PLD5: variants seen among roughly 807,000 people sequenced by gnomAD.
PLD5 encodes phospholipase D family member 5.
In PLD5, 36 loss-of-function variants were observed where a neutral mutation model predicts 61.1. That is an observed-to-expected ratio of 0.59 (90% CI 0.45 to 0.78). The LOEUF (loss-of-function observed/expected upper bound fraction) is 0.78, where lower values mean the gene tolerates loss of function less well. Among genes scored for constraint, PLD5 ranks in the 30% least tolerant of loss-of-function variants. The pLI, the probability that PLD5 is intolerant of heterozygous loss-of-function variation, is 0.00. For synonymous variants in PLD5, 243 were observed against 242.8 expected (o/e 1.00, Z -0.01); for missense variants, 515 against 644.4 (o/e 0.80, Z 2.17).
chr1:242,348,991 T>C (rs1660315402), intron 1 of PLD5, among the ~76,000 whole-genome samples: 1 of 152,152 alleles, frequency 6.6e-6, no homozygotes, highest in Non-Finnish European at 1.5e-5. Flanking sequence ...GAGGCGGAGC[T>C]TGCAGTGAGC....
At chr1:242,456,431 C>T (rs1224803504) in intron 1 of PLD5, among the ~76,000 whole-genome samples, 1 of 152,096 alleles carries the variant, frequency 6.6e-6, no homozygotes, top group Non-Finnish European at 1.5e-5. Context: ...TTAGAACATG[C>T]CCATCATTGC....
rs35097685 is a variant in PLD5 at position 242,253,115 on chromosome 1, C to CTTT, written c.607+12219_607+12221dup. Among the ~76,000 whole-genome samples, 7 of 73,198 alleles carry CTTT rather than the reference C, an allele frequency of 9.6e-5. 1 individual carries two copies. The highest frequency in any genetic ancestry group is 2.4e-4 in the African/African-American group (5 of 20,932). 48.0% of individuals were successfully genotyped at this position (73,198 alleles called of 152,430 possible). A position where few individuals can be genotyped will look rare whatever the true frequency, so the allele number is the denominator to read the frequency against. On this transcript the variant is annotated intron_variant, in intron 4 of 9. Transcript: ENST00000536534. ...CAGGCGTGAGCCACCGTGTATGGCC[C>CTTT]TTTTTTTTTTTTTTTTTTTTTTGAG...
chr1:242,278,365 C>CAA (rs1674530123), intron 3 of PLD5, among the ~76,000 whole-genome samples: 1 of 152,066 alleles, frequency 6.6e-6, no homozygotes, highest in Non-Finnish European at 1.5e-5. Flanking sequence ...TATTCATGGC[C>CAA]ATATGATTGG....
intron 9 of PLD5, among the ~76,000 whole-genome samples, chr1:242,099,664 A>T (rs1380255840): frequency 1.3e-5 from 2 of 152,154 alleles, no homozygotes; most frequent in African/African-American, 2.4e-5. Context: ...TCATTTCTAA[A>T]CTGCAGATGA....
At chr1:242,424,618 A>G (rs1428854836) in intron 1 of PLD5, among the ~76,000 whole-genome samples, 1 of 151,832 alleles carries the variant, frequency 6.6e-6, no homozygotes, top group Admixed American at 6.6e-5. Flanking sequence ...TTTTATCCAT[A>G]TCACCTGAGA....
chr1:242,183,819 C>T (rs1262043347), intron 5 of PLD5, among the ~76,000 whole-genome samples: 5 of 152,106 alleles, frequency 3.3e-5, no homozygotes, highest in Non-Finnish European at 7.4e-5. Flanking sequence ...GGCGTGAACC[C>T]GGGAGGCGGA....
At chr1:242,287,800 T>G (rs1319127442) in intron 3 of PLD5, among the ~76,000 whole-genome samples, 2 of 152,216 alleles carry the variant, frequency 1.3e-5, no homozygotes, top group African/African-American at 4.8e-5. Context: ...AAGTCAGTTT[T>G]CTAAAGGTAG....
chr1:242,425,237 C>T (rs751097501), intron 1 of PLD5, among the ~76,000 whole-genome samples: 6 of 152,122 alleles, frequency 3.9e-5, no homozygotes, highest in Non-Finnish European at 7.3e-5. Flanking sequence ...AGTGCACTTG[C>T]GCAAACCTAG....
At chr1:242,116,150 A>G (rs1297933348) in intron 6 of PLD5, among the ~76,000 whole-genome samples, 1 of 152,212 alleles carries the variant, frequency 6.6e-6, no homozygotes, top group African/African-American at 2.4e-5. Context: ...ACTGCCTGGA[A>G]TGAATGGTAG....
intron 1 of PLD5, among the ~76,000 whole-genome samples, chr1:242,468,292 G>C (rs1667336716): frequency 1.3e-5 from 2 of 152,158 alleles, no homozygotes; most frequent in African/African-American, 4.8e-5. Context: ...ATGATGGTTA[G>C]ATCAACACCT....
intron 1 of PLD5, among the ~76,000 whole-genome samples, chr1:242,413,738 G>A (rs1664678341): frequency 1.3e-5 from 2 of 152,218 alleles, no homozygotes; most frequent in South Asian, 4.1e-4. Context: ...GGTAGGAAGA[G>A]GCAGGCATCC....
intron 1 of PLD5, among the ~76,000 whole-genome samples, chr1:242,351,149 C>A (rs1007485036): frequency 2.6e-5 from 4 of 152,116 alleles, no homozygotes; most frequent in African/African-American, 9.7e-5. Context: ...GATCCACCCA[C>A]CTCAGTCTCC....
At chr1:242,098,368 G>C (rs112556371) in intron 9 of PLD5, among the ~76,000 whole-genome samples, 6,150 of 152,232 alleles carry the variant, frequency 0.04, 200 homozygotes, top group Middle Eastern at 0.15. Context: ...TGAGGCTTGT[G>C]CATTCGTCAC....
At chr1:242,219,770 G>A (rs1230298618) in intron 5 of PLD5, among the ~76,000 whole-genome samples, 1 of 152,126 alleles carries the variant, frequency 6.6e-6, no homozygotes, top group African/African-American at 2.4e-5. Context: ...AATTACAAAA[G>A]CATTGAAGCA....
chr1:242,508,190 C>A lies in PLD5; in HGVS notation c.189+15898G>T, dbSNP rs559327181. Among the ~76,000 whole-genome samples, 204 of 148,210 alleles carry A rather than the reference C, an allele frequency of 1.4e-3. 1 individual carries two copies. Among genetic ancestry groups the A allele is most frequent in the Non-Finnish European group, 2.2e-3 (150 of 67,366 alleles). The stretch of plus-strand genomic sequence containing the variant: ...ACCAGCCTGGCCAACATGGTGAAAC[C>A]CTGTCTCCACTAAAAATACAAAAAA... On this transcript the variant is annotated intron_variant, in intron 1 of 9. Coordinates refer to ENST00000536534, the MANE Select transcript of PLD5 (RefSeq NM_001372062.1).
intron 5 of PLD5, among the ~76,000 whole-genome samples, chr1:242,139,785 C>T (rs992824600): frequency 5.3e-5 from 8 of 152,164 alleles, no homozygotes; most frequent in African/African-American, 1.9e-4. Context: ...GATGCAGGCA[C>T]CTCAGATGTA....
chr1:242,163,292 C>G (rs553980852), intron 5 of PLD5, among the ~76,000 whole-genome samples: 1 of 151,910 alleles, frequency 6.6e-6, no homozygotes, highest in South Asian at 2.1e-4. Context: ...TACAGGCGCC[C>G]GCCACCACGC....
chr1:242,493,365 T>C (rs1245176723), intron 1 of PLD5, among the ~76,000 whole-genome samples: 1 of 152,114 alleles, frequency 6.6e-6, no homozygotes, highest in Non-Finnish European at 1.5e-5. Context: ...GAAGCCTTCA[T>C]GCTGAAGCCT....
chr1:242,332,890 A>T (rs1166501821), intron 2 of PLD5, among the ~76,000 whole-genome samples: 4 of 152,212 alleles, frequency 2.6e-5, no homozygotes, highest in African/African-American at 9.6e-5. Flanking sequence ...ACTATATCAG[A>T]GGTCAGCTCT....
Sources: allele counts gnomAD v4.1 joint callset (sites outside exome capture counted in the v4.1 genomes callset), GRCh38; gene constraint gnomAD v4.1.1; transcripts MANE v1.5; gene names NCBI Gene and HGNC (gene_info 2026-07-23, HGNC 2026-07-21).